Variants in PCNP observed in about 807,000 individuals in gnomAD.
The protein encoded by PCNP is PEST proteolytic signal-containing nuclear protein.
Under a neutral mutation model 21.8 loss-of-function variants are expected in PCNP, and 6 were observed. That is an observed-to-expected ratio of 0.28 (90% confidence interval 0.15 to 0.54). PCNP has a LOEUF of 0.54. Ranked by LOEUF, PCNP falls within the 20% of genes least tolerant of loss-of-function variation. The pLI is 0.95. For missense variants in PCNP, 161 were observed against 215.5 expected (o/e 0.75, Z 1.58); for synonymous variants, 67 against 73.2 (o/e 0.92, Z 0.43).
intron 3 of PCNP, among the ~76,000 whole-genome samples, chr3:101,586,966 T>G (rs1935559992): frequency 6.6e-6 from 1 of 152,130 alleles, no homozygotes. Context: ...CAAGAAATAA[T>G]TCTGTGGCCG....
chr3:101,591,092 A>G (rs1935780597), intron 4 of PCNP, among the ~76,000 whole-genome samples: 1 of 152,172 alleles, frequency 6.6e-6, no homozygotes. Context: ...CTTACGATAT[A>G]ATTTCTACCA....
intron 1 of PCNP, 55 bp from the exon 2 acceptor site, chr3:101,579,735 A>G: frequency 1.6e-6 from 2 of 1,249,228 alleles, no homozygotes; most frequent in East Asian, 2.3e-5. Flanking sequence ...TGCTGCTCCC[A>G]TCAATCTGCT....
chr3:101,579,707 A>G (rs1935126443), intron 1 of PCNP, 83 bp from the exon 2 acceptor site: 1 of 921,350 alleles, frequency 1.1e-6, no homozygotes, highest in African/African-American at 1.6e-5. Context: ...TCTTCCTTAT[A>G]ACGATGCTTT....
chr3:101,583,752 A>G (rs187132728), intron 2 of PCNP, among the ~76,000 whole-genome samples: 84 of 151,508 alleles, frequency 5.5e-4, no homozygotes, highest in Non-Finnish European at 8.4e-4. Flanking sequence ...GGTTCAACCA[A>G]TTCTCCTGCC....
chr3:101,586,571 T>TGTGTGTGTGTGTGTGTGTGTGTGA, intron 3 of PCNP, among the ~76,000 whole-genome samples: 7 of 114,142 alleles, frequency 6.1e-5, no homozygotes, highest in South Asian at 3.3e-4. Context: ...TGTGTGTGTG[T>TGTGTGTGTGTGTGTGTGTGTGTGA]GAGAGAGAGA....
In PCNP at chr3:101,585,521, T is replaced by C. The variant is rs1172270108; in HGVS notation, c.354+10T>C. The C allele has an allele frequency of 1.9e-6, 3 of 1,585,688 alleles. No homozygotes were observed. Among genetic ancestry groups the C allele is most frequent in the African/African-American group, 2.7e-5 (2 of 74,010 alleles). On this transcript the variant is annotated intron_variant, in intron 3 of 4. Coordinates refer to ENST00000265260, the MANE Select transcript of PCNP (RefSeq NM_020357.3). ...TAATGAAGATGAAGATGTAAGTTGA[T>C]ATCGAGTTTTGTTTTTTTACTTTAA...
At chr3:101,581,895 C>CA (rs1188941590) in intron 2 of PCNP, among the ~76,000 whole-genome samples, 2 of 151,666 alleles carry the variant, frequency 1.3e-5, no homozygotes, top group Non-Finnish European at 2.9e-5. Flanking sequence ...CATGCACCAC[C>CA]ACGCCTGGCT....
chr3:101,582,968 TAA>T (rs1206829142), intron 2 of PCNP, among the ~76,000 whole-genome samples: 2 of 152,342 alleles, frequency 1.3e-5, no homozygotes, highest in Admixed American at 1.3e-4. Context: ...TCTCAAGACT[TAA>T]ACAGATTTGC....
intron 1 of PCNP, among the ~76,000 whole-genome samples, chr3:101,577,167 A>G (rs904223227): frequency 2.6e-5 from 4 of 152,108 alleles, no homozygotes; most frequent in East Asian, 1.9e-4. Flanking sequence ...TATTTGAACT[A>G]CCTGCTTTAA....
intron 2 of PCNP, 47 bp from the exon 3 acceptor site, chr3:101,585,390 A>T: frequency 2.8e-6 from 3 of 1,056,028 alleles, no homozygotes; most frequent in Non-Finnish European, 2.9e-6. Flanking sequence ...ACAAGCTTGT[A>T]TAAATGTTAT....
chr3:101,582,817 G>A (rs1346177190), intron 2 of PCNP, among the ~76,000 whole-genome samples: 1 of 152,180 alleles, frequency 6.6e-6, no homozygotes, highest in East Asian at 1.9e-4. Context: ...TTCATGCAAA[G>A]GCAGTTAAGA....
intron 1 of PCNP, among the ~76,000 whole-genome samples, chr3:101,575,742 G>A (rs142074977): frequency 1.3e-4 from 20 of 152,288 alleles, no homozygotes; most frequent in East Asian, 7.7e-4. Context: ...CGTGTTTAAT[G>A]TGCTGTCAAA....
At position 101,593,529 on chromosome 3, in the gene PCNP, A is replaced by G. The variant is rs1467916001; in HGVS notation, c.*776A>G. ...TCCACCAGAACTTGAGGCAAATCGT[A>G]AGGAAGCTGTTTCTTTTAAAACACA... On this transcript the variant is annotated 3_prime_UTR_variant, in exon 5 of 5. Transcript: ENST00000265260. 6.6e-6 allele frequency: 1 copy of G among 152,628 alleles called. No individual in the cohort carries two copies. Among genetic ancestry groups the G allele is most frequent in the Non-Finnish European group, 1.5e-5 (1 of 68,022 alleles). 9.5% of individuals were successfully genotyped at this position (152,628 alleles called of 1,614,324 possible).
At chr3:101,578,655 AC>A (rs1935056463) in intron 1 of PCNP, among the ~76,000 whole-genome samples, 4 of 152,170 alleles carry the variant, frequency 2.6e-5, no homozygotes, top group Admixed American at 2.6e-4. Context: ...TAATCTAGAG[AC>A]CCCATTATTC....
At chr3:101,576,745 A>G in intron 1 of PCNP, 3 of 1,611,632 alleles carry the variant, frequency 1.9e-6, no homozygotes, top group Non-Finnish European at 2.5e-6. Flanking sequence ...CATAACGGTG[A>G]TCACACGTTC....
intron 1 of PCNP, chr3:101,576,929 C>T: frequency 6.4e-7 from 1 of 1,557,418 alleles, no homozygotes; most frequent in Non-Finnish European, 8.9e-7. Flanking sequence ...TGGAACTTTT[C>T]AGGGATCACT....
At chr3:101,575,567 T>C (rs1021549592) in intron 1 of PCNP, among the ~76,000 whole-genome samples, 1 of 152,050 alleles carries the variant, frequency 6.6e-6, no homozygotes, top group South Asian at 2.1e-4. Context: ...GGAATTTTTT[T>C]TCCCAAAAAA....
At chr3:101,578,738 T>C (rs917780466) in intron 1 of PCNP, among the ~76,000 whole-genome samples, 19 of 152,210 alleles carry the variant, frequency 1.2e-4, no homozygotes, top group African/African-American at 4.6e-4. Flanking sequence ...TGTTCGACTT[T>C]TTTTCTCCCC....
chr3:101,588,140 A>G (rs1311725401), intron 3 of PCNP, among the ~76,000 whole-genome samples: 5 of 152,158 alleles, frequency 3.3e-5, no homozygotes, highest in Admixed American at 2.6e-4. Context: ...GCGTGGTGGC[A>G]TAAGCCTGTA....
Sources: allele counts gnomAD v4.1 joint callset (sites outside exome capture counted in the v4.1 genomes callset), GRCh38; gene constraint gnomAD v4.1.1; transcripts MANE v1.5; gene names NCBI Gene and HGNC (gene_info 2026-07-23, HGNC 2026-07-21).